BTBD7: variants seen among roughly 807,000 people sequenced by gnomAD.
The protein encoded by BTBD7 is BTB domain containing 7.
In BTBD7, 38 loss-of-function variants were observed where a neutral mutation model predicts 99.9. The observed-to-expected ratio is 0.38, with a 90% CI of 0.29 to 0.50. The LOEUF is 0.50. Ranked by LOEUF, BTBD7 falls within the 20% of genes least tolerant of loss-of-function variation. The pLI, the probability that BTBD7 is intolerant of heterozygous loss-of-function variation, is 0.93. For missense variants in BTBD7, 1,170 were observed against 1,394.6 expected, an observed-to-expected ratio of 0.84 and a Z score of 2.57; for synonymous variants, 520 against 511.4, an observed-to-expected ratio of 1.02 and a Z score of -0.23.
At chr14:93,265,027 T>C (rs1413940068) in intron 3 of BTBD7, among the ~76,000 whole-genome samples, 1 of 152,196 alleles carries the variant, frequency 6.6e-6, no homozygotes, top group Middle Eastern at 3.2e-3. Flanking sequence ...AGGCGGAGGT[T>C]GCAGTGAGCT....
chr14:93,255,880 A>C (rs879935461), intron 6 of BTBD7: 2 of 152,238 alleles, frequency 1.3e-5, no homozygotes, highest in African/African-American at 2.4e-5. Flanking sequence ...TAACAGGTGA[A>C]AAAATGGTAA....
At chr14:93,266,644 C>A (rs1299161866) in intron 3 of BTBD7, among the ~76,000 whole-genome samples, 1 of 152,096 alleles carries the variant, frequency 6.6e-6, no homozygotes, top group East Asian at 1.9e-4. Flanking sequence ...AGTGTCAGAA[C>A]AGAGGCTGGC....
chr14:93,295,960 T>C lies in BTBD7; in HGVS notation c.82+10A>G. On this transcript the variant is annotated intron_variant, in intron 2 of 10. Transcript: ENST00000334746. ...CAAAAGAAAATGAAGTTAGAAAAAC[T>C]GAAAGTTACCTATAAAAGTCTGTTG... 3 of 1,613,444 alleles carry C rather than the reference T, an allele frequency of 1.9e-6. No individual in the cohort carries two copies. The highest frequency in any genetic ancestry group is 2.5e-6 in the Non-Finnish European group (3 of 1,179,588).
In BTBD7 at chr14:93,294,289, A is replaced by G. The variant is rs759895263; in HGVS notation, c.731T>C (p.Met244Thr). ...DVDMRGLFDY[M>T]CYYDVVLSFS... ...ACTAAGGACGACATCATAATAACAC[A>G]TGTAATCAAAGAGTCCACGCATATC... Residue 244 changes from methionine (M) to threonine (T), a missense_variant, in exon 3 of 11, where the codon ATG becomes ACG. Met to Thr is a moderately conservative substitution (Grantham distance 81). This residue lies in a region of BTBD7 where 359 missense variants were observed against 497.9 expected (regional missense o/e 0.72). Transcript: ENST00000334746. The G allele has an allele frequency of 1.9e-6, 3 of 1,614,054 alleles. No individual in the cohort carries two copies. The African/African-American group carries it at 4.0e-5, about 22-fold the overall frequency.
At chr14:93,320,745 CT>C (rs10695970) in intron 1 of BTBD7, among the ~76,000 whole-genome samples, 6 of 148,980 alleles carry the variant, frequency 4.0e-5, no homozygotes, top group Non-Finnish European at 7.5e-5. Flanking sequence ...AGATAAACCA[CT>C]TTTTTTTTTG....
intron 3 of BTBD7, among the ~76,000 whole-genome samples, chr14:93,291,242 T>C (rs368466396): frequency 1.3e-4 from 20 of 152,186 alleles, no homozygotes; most frequent in African/African-American, 4.6e-4. Flanking sequence ...ATTTACTGAA[T>C]GTTTACTATG....
chr14:93,295,949 G>A (rs537682624), intron 2 of BTBD7, 21 bp downstream of exon 2: 13 of 1,611,102 alleles, frequency 8.1e-6, no homozygotes, highest in Non-Finnish European at 1.1e-5. Context: ...AGAAAATGAA[G>A]TTAGAAAAAC....
At chr14:93,249,216 C>CA (rs1254070714) in intron 8 of BTBD7, among the ~76,000 whole-genome samples, 1 of 122,986 alleles carries the variant, frequency 8.1e-6, no homozygotes, top group East Asian at 2.6e-4. Flanking sequence ...AGAAAGGCTT[C>CA]AAGGTGTACA....
chr14:93,320,549 A>C (rs2053258360), intron 1 of BTBD7, among the ~76,000 whole-genome samples: 1 of 152,214 alleles, frequency 6.6e-6, no homozygotes, highest in South Asian at 2.1e-4. Flanking sequence ...GAGAGGAGGA[A>C]GACTTTTTTG....
At chr14:93,248,945 G>A (rs1306621291) in intron 8 of BTBD7, among the ~76,000 whole-genome samples, 2 of 152,080 alleles carry the variant, frequency 1.3e-5, no homozygotes, top group Non-Finnish European at 2.9e-5. Flanking sequence ...TGAATCTCAG[G>A]ATATTTCAGA....
chr14:93,315,109 TCAGAAAACTAATTTATATATA>T (rs1378762032), intron 1 of BTBD7, among the ~76,000 whole-genome samples: 1 of 152,152 alleles, frequency 6.6e-6, no homozygotes, highest in African/African-American at 2.4e-5. Flanking sequence ...CATTTTTACA[TCAGAAAACTAATTTATATATA>T]AATATTTAAG....
chr14:93,243,815 G>T (rs2052267574), intron 10 of BTBD7, among the ~76,000 whole-genome samples: 1 of 152,186 alleles, frequency 6.6e-6, no homozygotes, highest in South Asian at 2.1e-4. Flanking sequence ...TACCTTTAAA[G>T]GGAGTTTTAT....
intron 1 of BTBD7, among the ~76,000 whole-genome samples, chr14:93,296,743 T>G (rs2052932343): frequency 6.6e-6 from 1 of 152,162 alleles, no homozygotes; most frequent in East Asian, 1.9e-4. Flanking sequence ...TTGAAAGAAG[T>G]TATTATACAC....
chr14:93,276,487 T>C (rs1011032535), intron 3 of BTBD7, among the ~76,000 whole-genome samples: 1 of 152,104 alleles, frequency 6.6e-6, no homozygotes, highest in Non-Finnish European at 1.5e-5. Flanking sequence ...TCCGTGTGAA[T>C]GTATTACCTA....
chr14:93,306,811 C>A (rs555476015), intron 1 of BTBD7, among the ~76,000 whole-genome samples: 1 of 152,274 alleles, frequency 6.6e-6, no homozygotes. Context: ...ATATATGTAT[C>A]ACTGTCATAT....
At chr14:93,287,249 T>C (rs1486768767) in intron 3 of BTBD7, among the ~76,000 whole-genome samples, 1 of 141,956 alleles carries the variant, frequency 7.0e-6, no homozygotes. Context: ...AAAGTTAACC[T>C]TGTAATCAAA....
chr14:93,286,242 G>C (rs2052775560), intron 3 of BTBD7, among the ~76,000 whole-genome samples: 1 of 152,224 alleles, frequency 6.6e-6, no homozygotes, highest in African/African-American at 2.4e-5. Context: ...TCTACTGGGA[G>C]GTGGGCTCTG....
intron 9 of BTBD7, 149 bp downstream of exon 9, chr14:93,248,327 G>GTGTA: frequency 1.3e-6 from 1 of 748,346 alleles, no homozygotes; most frequent in Non-Finnish European, 2.1e-6. Context: ...TCACCAGGAG[G>GTGTA]GACTTGCAGG....
intron 7 of BTBD7, among the ~76,000 whole-genome samples, chr14:93,253,151 G>A (rs980731441): frequency 1.3e-5 from 2 of 152,052 alleles, no homozygotes; most frequent in Non-Finnish European, 1.5e-5. Flanking sequence ...TACATAATGC[G>A]AACTAGTTAC....
Sources: gnomAD v4.1 joint callset for allele counts (sites outside exome capture counted in the v4.1 genomes callset) on GRCh38, gnomAD v4.1.1 for gene constraint, gnomAD v4.1.1 regional missense constraint, MANE v1.5 for transcripts, NCBI Gene and HGNC (gene_info 2026-07-23, HGNC 2026-07-21) for gene names.